The following GFI1B variants were observed in gnomAD, a reference collection of about 807,000 sequenced individuals.
The protein encoded by GFI1B is growth factor independent 1B transcriptional repressor, also known as zinc finger protein Gfi-1b.
A neutral mutation model predicts 35.3 loss-of-function variants in GFI1B; 20 were observed. The ratio of observed to expected loss-of-function variants is 0.57; its 90% confidence interval spans 0.40 to 0.82. The LOEUF is 0.82. GFI1B is among the 40% of genes least tolerant of loss of function. The pLI is 0.00. For missense variants in GFI1B, 430 were observed against 446.3 expected, an observed-to-expected ratio of 0.96 and a Z score of 0.33; for synonymous variants, 178 against 177.6, an observed-to-expected ratio of 1.00 and a Z score of -0.02.
rs755483011 is a variant in GFI1B, at chr9:132,987,372, C to T, written c.191C>T (p.Pro64Leu). ...GACTGGACCAACCTCAAACGAGAGC[C>T]GGAGCTGGAGCAGGACCAGAACTTG... ...CLDWTNLKREPELEQDQNLAR... is the reference protein window; with the variant it reads ...CLDWTNLKRELELEQDQNLAR... Residue 64 changes from proline (P) to leucine (L), a missense_variant, in exon 3 of 7, where the codon CCG (proline) becomes CTG (leucine). Physicochemically the swap from Pro to Leu is moderately conservative, Grantham distance 98. Coordinates refer to ENST00000372122, the MANE Select transcript of GFI1B (RefSeq NM_001377304.1). 56 of 1,614,140 alleles carry T rather than the reference C, an allele frequency of 3.5e-5. No individual in the cohort carries two copies. In the East Asian group the frequency reaches 6.9e-4, roughly 20 times the overall value.
rs667805 is a variant in GFI1B, at chr9:132,991,306, A to G, written c.*256A>G. On this transcript the variant is annotated 3_prime_UTR_variant, in exon 7 of 7. Coordinates refer to ENST00000372122, the MANE Select transcript of GFI1B (RefSeq NM_001377304.1). ...CAGAAGTTGTTTCCAGGTGTGCTCA[A>G]GTGCCTTCCTCTAGCAGAGCACAGA... The G allele has an allele frequency of 0.17, 93,794 of 547,760 alleles. 9,236 individuals carry two copies. The highest frequency in any genetic ancestry group is 0.31 in the African/African-American group (16,366 of 52,828). 33.9% of individuals were successfully genotyped at this position (547,760 alleles called of 1,614,324 possible). A position where few individuals can be genotyped will look rare whatever the true frequency, so the allele number is the denominator to read the frequency against.
intron 1 of GFI1B, chr9:132,946,814 C>G (rs1668361739): frequency 6.6e-6 from 1 of 152,288 alleles, no homozygotes; most frequent in Admixed American, 6.5e-5. Context: ...TGGAGGAGAG[C>G]AGCCATAAGC....
Position 132,990,887 on chromosome 9 carries a change from A to G in GFI1B, c.830A>G (p.Lys277Arg), listed in dbSNP as rs1849271027. ...TYIHTGEKPHKCQVCGKAFSQ... is the reference protein window; with the variant it reads ...TYIHTGEKPHRCQVCGKAFSQ... Reference sequence around the variant, plus strand: ...CTCCCTGCAGGTGAGAAGCCGCACAAGTGCCAGGTGTGCGGAAAGGCCTTC... The same window carrying G: ...CTCCCTGCAGGTGAGAAGCCGCACAGGTGCCAGGTGTGCGGAAAGGCCTTC... Residue 277 changes from lysine to arginine, a missense_variant, in exon 7 of 7, where the codon AAG (lysine) becomes AGG (arginine). Physicochemically the swap from Lys to Arg is conservative, Grantham distance 26. Transcript: ENST00000372122. 1 of 1,614,098 alleles carries G rather than the reference A, an allele frequency of 6.2e-7. No homozygotes were observed. Among genetic ancestry groups the G allele is most frequent in the Non-Finnish European group, 8.5e-7 (1 of 1,180,026 alleles).
In GFI1B at chr9:132,988,251, C is replaced by T. The variant is rs143926538; in HGVS notation, c.293C>T (p.Ser98Leu). 3,357 of 1,613,924 alleles carry T rather than the reference C, an allele frequency of 2.1e-3. 2 individuals carry two copies. The highest frequency in any genetic ancestry group is 2.7e-3 in the Non-Finnish European group (3,132 of 1,179,744). ...GATGGGGACTCTCCACTGTCCGACT[C>T]ACCCCCATTCTACAAGCCTAGCTTC... ...PQDGDSPLSD[S>L]PPFYKPSFSW... The change falls in exon 4 of 7, where the codon TCA becomes TTA. Residue 98 changes from serine to leucine, a missense_variant. Physicochemically the swap from Ser to Leu is moderately radical, Grantham distance 145. Coordinates refer to ENST00000372122, the MANE Select transcript of GFI1B (RefSeq NM_001377304.1).
At chr9:132,960,952 C>T (rs527917600) in intron 1 of GFI1B, among the ~76,000 whole-genome samples, 2 of 152,202 alleles carry the variant, frequency 1.3e-5, no homozygotes, top group East Asian at 3.9e-4. Context: ...TTCATGGTCA[C>T]CGTGAGACCA....
intron 1 of GFI1B, among the ~76,000 whole-genome samples, chr9:132,980,417 C>G (rs1411650592): frequency 6.6e-6 from 1 of 152,170 alleles, no homozygotes; most frequent in Non-Finnish European, 1.5e-5. Context: ...TTCGTGTGTT[C>G]CTTGCCAGGA....
At chr9:132,956,294 T>A (rs1397079664) in intron 1 of GFI1B, among the ~76,000 whole-genome samples, 1 of 150,920 alleles carries the variant, frequency 6.6e-6, no homozygotes, top group Admixed American at 6.6e-5. Flanking sequence ...TCCACCTCCT[T>A]TTGTTATTAT....
intron 1 of GFI1B, among the ~76,000 whole-genome samples, chr9:132,955,639 A>G (rs1848270274): frequency 6.6e-6 from 1 of 152,138 alleles, no homozygotes; most frequent in Admixed American, 6.6e-5. Flanking sequence ...TAATTGACAA[A>G]ATTTCTGAGG....
chr9:132,969,381 G>A (rs1295531568), intron 1 of GFI1B, among the ~76,000 whole-genome samples: 1 of 152,182 alleles, frequency 6.6e-6, no homozygotes, highest in Non-Finnish European at 1.5e-5. Context: ...TGAAGTGACC[G>A]TATTTGTCTT....
intron 1 of GFI1B, chr9:132,953,222 A>G (rs1848229027): frequency 6.6e-6 from 1 of 152,142 alleles, no homozygotes; most frequent in Non-Finnish European, 1.5e-5. Context: ...TACCACCACT[A>G]TTGGCTTCTT....
At chr9:132,986,567 A>C in intron 1 of GFI1B, 92 bp from the exon 2 acceptor site, 1 of 730,430 alleles carries the variant, frequency 1.4e-6, no homozygotes, top group Non-Finnish European at 2.5e-6. Context: ...AACCCAGTAT[A>C]GCTGGTGTTT....
Position 132,965,663 on chromosome 9 carries a change from C to G in GFI1B, c.-700-7062C>G, listed in dbSNP as rs982772894. On this transcript the variant is annotated intron_variant, in intron 1 of 10. Transcript: ENST00000339463. ...AAGGCAGAGGCAGAGATTGGAGTGG[C>G]GCAGCTCCAGGCCAAGGAATGCCAA... is the stretch of plus-strand genomic sequence containing the variant. Among the ~76,000 whole-genome samples the G allele has an allele frequency of 2.0e-5, 3 of 152,132 alleles. 1 individual carries two copies. The highest frequency in any genetic ancestry group is 7.2e-5 in the African/African-American group (3 of 41,430).
Position 132,978,747 on chromosome 9 carries a change from C to G in GFI1B, c.-115C>G, listed in dbSNP as rs1848706875. The G allele has an allele frequency of 6.6e-6, 1 of 152,276 alleles. No individual in the cohort carries two copies. The highest frequency in any genetic ancestry group is 2.4e-5 in the African/African-American group (1 of 41,454). 9.4% of individuals were successfully genotyped at this position (152,276 alleles called of 1,614,324 possible). The stretch of plus-strand genomic sequence containing the variant: ...GTATCTATTTGTGCAAAGAGTCACA[C>G]AGTTGACAGAGTGGAGGCCAGTCCC... On this transcript the variant is annotated 5_prime_UTR_variant, in exon 1 of 7. Transcript: ENST00000372122.
upstream of GFI1B, among the ~76,000 whole-genome samples, chr9:132,975,440 C>T (rs1848611394): frequency 6.6e-6 from 1 of 152,208 alleles, no homozygotes; most frequent in Admixed American, 6.5e-5. Flanking sequence ...TCCCAACTAA[C>T]TTAGCCTAGG....
intron 1 of GFI1B, among the ~76,000 whole-genome samples, chr9:132,958,112 G>C (rs994381290): frequency 2.0e-5 from 3 of 152,096 alleles, no homozygotes; most frequent in Non-Finnish European, 2.9e-5. Context: ...GAGGAGCCTT[G>C]AAGGATTTTA....
At chr9:132,961,313 T>TA (rs952244272) in intron 1 of GFI1B, among the ~76,000 whole-genome samples, 10 of 151,424 alleles carry the variant, frequency 6.6e-5, no homozygotes, top group African/African-American at 2.2e-4. Flanking sequence ...AGTCAGAAGA[T>TA]AAATGATAGA....
At chr9:132,990,777 T>G (rs763071206) in intron 6 of GFI1B, 95 bp from the exon 7 acceptor site, 1 of 1,056,344 alleles carries the variant, frequency 9.5e-7, no homozygotes. Flanking sequence ...CAGGAAGGTA[T>G]TGGAAAATGA....
intron 1 of GFI1B, among the ~76,000 whole-genome samples, chr9:132,961,797 T>C (rs1231216814): frequency 1.3e-5 from 2 of 152,008 alleles, no homozygotes; most frequent in Non-Finnish European, 2.9e-5. Context: ...TTCACCATGT[T>C]AGCCAGGATG....
chr9:132,982,532 A>G (rs1280327040), intron 1 of GFI1B, among the ~76,000 whole-genome samples: 4 of 152,194 alleles, frequency 2.6e-5, no homozygotes, highest in Non-Finnish European at 4.4e-5. Context: ...GATAACAGTG[A>G]GCCTCTTTCC....
Sources: allele counts gnomAD v4.1 joint callset (sites outside exome capture counted in the v4.1 genomes callset), GRCh38; gene constraint gnomAD v4.1.1; transcripts MANE v1.5; gene names NCBI Gene and HGNC (gene_info 2026-07-23, HGNC 2026-07-21).